CCDC7: variants seen among roughly 807,000 people sequenced by gnomAD.
CCDC7 encodes coiled-coil domain containing 7.
A neutral mutation model predicts 196.9 loss-of-function variants in CCDC7; 183 were observed. That is an observed-to-expected ratio of 0.93 (90% CI 0.82 to 1.05). The LOEUF (loss-of-function observed/expected upper bound fraction) is 1.05. CCDC7 is among the 50% of genes least tolerant of loss of function. The probability of loss-of-function intolerance (pLI) is 0.00; values close to 1 mark genes in which losing one functional copy is unlikely to be tolerated. For synonymous variants in CCDC7, 525 were observed against 484.6 expected (o/e 1.08, Z -1.10); for missense variants, 1,540 against 1,482.2 (o/e 1.04, Z -0.64).
At chr10:32,467,431 GTTGT>G (rs142821488) in intron 5 of CCDC7, among the ~76,000 whole-genome samples, 52,070 of 151,646 alleles carry the variant, frequency 0.34, 11,308 homozygotes, top group Non-Finnish European at 0.49. Flanking sequence ...GTTTAATGGT[GTTGT>G]TTGTTTGTGT....
chr10:32,659,323 C>T (rs1322357219), intron 20 of CCDC7, among the ~76,000 whole-genome samples: 4 of 151,998 alleles, frequency 2.6e-5, no homozygotes, highest in Non-Finnish European at 5.9e-5. Context: ...CTAAATTTTC[C>T]CACATTTTGA....
intron 3 of CCDC7, among the ~76,000 whole-genome samples, 179 bp from the exon 5 acceptor site, chr10:32,462,504 A>G (rs902759134): frequency 6.6e-6 from 1 of 152,180 alleles, no homozygotes; most frequent in South Asian, 2.1e-4. Flanking sequence ...TGCAAGGTGA[A>G]CTAAAAGCAC....
At chr10:32,548,374 G>A (rs529085764) in intron 13 of CCDC7, among the ~76,000 whole-genome samples, 14 of 152,202 alleles carry the variant, frequency 9.2e-5, no homozygotes, top group Admixed American at 2.0e-4. Flanking sequence ...GGTGACCAGG[G>A]TGACTCAGGA....
At chr10:32,836,307 A>T (rs903600653) in intron 33 of CCDC7, among the ~76,000 whole-genome samples, 1 of 152,170 alleles carries the variant, frequency 6.6e-6, no homozygotes, top group Non-Finnish European at 1.5e-5. Context: ...GTAGTAAAAT[A>T]GTCAAAAGAA....
chr10:32,665,202 T>C (rs926401212), intron 21 of CCDC7, among the ~76,000 whole-genome samples: 8 of 152,096 alleles, frequency 5.3e-5, no homozygotes, highest in African/African-American at 1.9e-4. Context: ...CTTCTATAAA[T>C]TGGATCTTAA....
chr10:32,699,102 G>A (rs765861437), intron 24 of CCDC7, among the ~76,000 whole-genome samples: 8 of 151,938 alleles, frequency 5.3e-5, no homozygotes, highest in South Asian at 2.1e-4. Flanking sequence ...TGTGTACAAC[G>A]TGCAGGTTTG....
At chr10:32,659,166 A>T (rs2070676405) in intron 20 of CCDC7, among the ~76,000 whole-genome samples, 1 of 152,098 alleles carries the variant, frequency 6.6e-6, no homozygotes, top group Admixed American at 6.5e-5. Flanking sequence ...TAATGTAGAC[A>T]TTCATTGCTA....
chr10:32,528,514 G>T (rs531714550), intron 11 of CCDC7, among the ~76,000 whole-genome samples: 1 of 151,230 alleles, frequency 6.6e-6, no homozygotes, highest in Non-Finnish European at 1.5e-5. Flanking sequence ...TTTGGTTTTC[G>T]ATTCCTGAGT....
intron 21 of CCDC7, 119 bp from the exon 23 acceptor site, chr10:32,685,851 A>T (rs1258835445): frequency 5.0e-6 from 3 of 595,236 alleles, no homozygotes; most frequent in Non-Finnish European, 8.8e-6. Flanking sequence ...TAATTTAGTT[A>T]TAACTTTGTA....
chr10:32,635,638 C>T (rs1471625387), intron 20 of CCDC7, among the ~76,000 whole-genome samples: 1 of 151,962 alleles, frequency 6.6e-6, no homozygotes, highest in African/African-American at 2.4e-5. Context: ...CAAAACAAAA[C>T]AAAACCCAAA....
At chr10:32,615,607 T>G (rs1336526529) in intron 18 of CCDC7, among the ~76,000 whole-genome samples, 1 of 152,154 alleles carries the variant, frequency 6.6e-6, no homozygotes, top group Admixed American at 6.6e-5. Flanking sequence ...AAGTATTTTT[T>G]TCTTATTCTG....
chr10:32,658,706 G>A (rs537748604), intron 20 of CCDC7, among the ~76,000 whole-genome samples: 27 of 152,194 alleles, frequency 1.8e-4, no homozygotes, highest in African/African-American at 6.3e-4. Flanking sequence ...CAGTTGCAAC[G>A]GCATCGATGA....
rs764061494 is a variant in CCDC7 at position 32,814,470 on chromosome 10, T to C, written c.3181+17T>C. ...GTCTCCCTGGTAAGAACAAAAACTT[T>C]ACACATTTAGTATTTCTGGTTAGTT... On this transcript the variant is annotated intron_variant, in intron 31 of 41. Transcript: ENST00000639629. 4.3e-5 allele frequency: 66 copies of C among 1,548,030 alleles called. No individual in the cohort carries two copies. The highest frequency in any genetic ancestry group is 2.5e-5 in the Non-Finnish European group (28 of 1,122,454).
At chr10:32,850,774 AACACACACACACAC>A (rs59662474) in intron 39 of CCDC7, among the ~76,000 whole-genome samples, 267 of 146,758 alleles carry the variant, frequency 1.8e-3, no homozygotes, top group South Asian at 5.5e-3. Flanking sequence ...TGTCTCTGAC[AACACACACACACAC>A]ACACACACAC....
At chr10:32,668,144 G>A (rs1478902575) in intron 21 of CCDC7, among the ~76,000 whole-genome samples, 1 of 152,156 alleles carries the variant, frequency 6.6e-6, no homozygotes, top group African/African-American at 2.4e-5. Context: ...GTGAATGGGA[G>A]TTCACTCATA....
At chr10:32,716,447 C>T (rs1311797335) in intron 25 of CCDC7, among the ~76,000 whole-genome samples, 1 of 152,158 alleles carries the variant, frequency 6.6e-6, no homozygotes, top group Non-Finnish European at 1.5e-5. Context: ...CAAAAACATA[C>T]CAAAATATGA....
At chr10:32,796,682 T>G (rs749600685) in intron 29 of CCDC7, among the ~76,000 whole-genome samples, 4 of 152,192 alleles carry the variant, frequency 2.6e-5, no homozygotes, top group Non-Finnish European at 4.4e-5. Flanking sequence ...CAGAGGACCT[T>G]TGCACTTGCT....
intron 28 of CCDC7, among the ~76,000 whole-genome samples, chr10:32,772,744 C>A (rs1425277028): frequency 6.6e-6 from 1 of 152,182 alleles, no homozygotes; most frequent in Non-Finnish European, 1.5e-5. Flanking sequence ...CCATTATCCT[C>A]CCCAAGTCAG....
At chr10:32,569,958 T>C (rs182149882) in intron 15 of CCDC7, among the ~76,000 whole-genome samples, 74 of 152,308 alleles carry the variant, frequency 4.9e-4, no homozygotes, top group African/African-American at 1.6e-3. Flanking sequence ...GGTTTTGTCC[T>C]AGAGTTTCTT....
Sources: gnomAD v4.1 joint callset for allele counts (sites outside exome capture counted in the v4.1 genomes callset) on GRCh38, gnomAD v4.1.1 for gene constraint, MANE v1.5 for transcripts, NCBI Gene and HGNC (gene_info 2026-07-23, HGNC 2026-07-21) for gene names.